SORCS2: variants seen among roughly 807,000 people sequenced by gnomAD.
SORCS2 encodes sortilin related VPS10 domain containing receptor 2, also known as VPS10 domain-containing receptor SorCS2.
SORCS2 carries 100 observed loss-of-function variants against 141.6 expected under a neutral mutation model. The observed-to-expected ratio is 0.71, with a 90% CI of 0.60 to 0.83. The LOEUF (loss-of-function observed/expected upper bound fraction) is 0.83, where lower values mean the gene tolerates loss of function less well. Among genes scored for constraint, SORCS2 ranks in the 40% least tolerant of loss-of-function variants. The pLI is 0.00. For missense variants in SORCS2, 1,646 were observed against 1,560.2 expected (o/e 1.05, Z -0.93); for synonymous variants, 789 against 676.9 (o/e 1.17, Z -2.57).
intron 3 of SORCS2, among the ~76,000 whole-genome samples, chr4:7,544,876 G>C (rs995878006): frequency 6.6e-6 from 1 of 152,170 alleles, no homozygotes; most frequent in African/African-American, 2.4e-5. Context: ...TGCCTGGTGG[G>C]AACAGAAGCC....
intron 2 of SORCS2, among the ~76,000 whole-genome samples, chr4:7,412,315 G>A (rs1725373333): frequency 6.6e-6 from 1 of 152,204 alleles, no homozygotes; most frequent in Non-Finnish European, 1.5e-5. Context: ...GCAAACTGGG[G>A]CAGAAAGGGG....
chr4:7,610,077 C>T (rs1415127541), intron 3 of SORCS2, among the ~76,000 whole-genome samples: 3 of 152,190 alleles, frequency 2.0e-5, no homozygotes, highest in Admixed American at 6.5e-5. Context: ...CACCTTGGGG[C>T]CCCCAGACTA....
chr4:7,676,337 C>G, intron 9 of SORCS2, 108 bp downstream of exon 9: 2 of 1,237,920 alleles, frequency 1.6e-6, no homozygotes, highest in Non-Finnish European at 1.1e-6. Flanking sequence ...ATATAGCTGT[C>G]TCAAGGGTCT....
At chr4:7,200,859 C>T (rs2108859878) in intron 1 of SORCS2, among the ~76,000 whole-genome samples, 1 of 152,330 alleles carries the variant, frequency 6.6e-6, no homozygotes, top group Middle Eastern at 3.4e-3. Context: ...CCAATGTCCT[C>T]CTTCATCTTA....
intron 1 of SORCS2, among the ~76,000 whole-genome samples, chr4:7,320,828 C>G (rs1326089989): frequency 2.6e-5 from 4 of 152,178 alleles, no homozygotes; most frequent in African/African-American, 9.7e-5. Context: ...CATGCATTCA[C>G]TTAAAGAAGG....
At chr4:7,422,891 A>G (rs975843779) in intron 2 of SORCS2, among the ~76,000 whole-genome samples, 4 of 152,138 alleles carry the variant, frequency 2.6e-5, no homozygotes, top group African/African-American at 9.7e-5. Flanking sequence ...AGGTCCATGC[A>G]GCCTCCAGGG....
intron 2 of SORCS2, among the ~76,000 whole-genome samples, chr4:7,509,652 G>A (rs774708978): frequency 1.4e-4 from 22 of 152,228 alleles, no homozygotes; most frequent in Non-Finnish European, 1.3e-4. Context: ...CTTGTGGGGC[G>A]AGGAAGGCCA....
At chr4:7,491,545 G>A (rs780509021) in intron 2 of SORCS2, among the ~76,000 whole-genome samples, 18 of 152,316 alleles carry the variant, frequency 1.2e-4, no homozygotes, top group Middle Eastern at 6.8e-3. Context: ...CCATGCAGAG[G>A]GAACACCTTG....
At position 7,373,458 on chromosome 4, in the gene SORCS2, T is replaced by TATATATATA. The variant is rs60884163; in HGVS notation, c.481-22830_481-22829insATATATATA. ...TGTTGTATTGAATTGTGAGAAACTT[T>TATATATATA]TATATATATATATATATATATTTTT... On this transcript the variant is annotated intron_variant, in intron 1 of 26. Transcript: ENST00000507866. 3.6e-4 allele frequency among the ~76,000 whole-genome samples: 30 copies of TATATATATA among 82,820 alleles called. 6 individuals carry two copies. Among genetic ancestry groups the TATATATATA allele is most frequent in the East Asian group, 3.1e-3 (5 of 1,620 alleles). The allele number at this position is 82,820 out of a possible 152,430, so 54.3% of individuals were successfully genotyped here. A position where few individuals can be genotyped will look rare whatever the true frequency, so the allele number is the denominator to read the frequency against.
At position 7,740,359 on chromosome 4, in the gene SORCS2, GC is replaced by G. The variant is rs1217315979; in HGVS notation, c.*100del. Reference sequence around the variant, plus strand: ...GGCGCCCCTCAGAGACCTGCGGAAAGCCCCCTCCCTGAGTCGTCGCCACACC... The same window carrying G: ...GGCGCCCCTCAGAGACCTGCGGAAAGCCCCTCCCTGAGTCGTCGCCACACC... On this transcript the variant is annotated 3_prime_UTR_variant, in exon 27 of 27. Coordinates refer to ENST00000507866, the MANE Select transcript of SORCS2 (RefSeq NM_020777.3). The G allele has an allele frequency of 1.7e-6, 2 of 1,173,124 alleles. No individual in the cohort carries two copies. The highest frequency in any genetic ancestry group is 2.5e-6 in the Non-Finnish European group (2 of 813,150). The allele number at this position is 1,173,124 out of a possible 1,614,324, so 72.7% of individuals were successfully genotyped here. A position where few individuals can be genotyped will look rare whatever the true frequency, so the allele number is the denominator to read the frequency against.
At chr4:7,698,581 T>C (rs1016436268) in intron 12 of SORCS2, among the ~76,000 whole-genome samples, 2 of 152,246 alleles carry the variant, frequency 1.3e-5, no homozygotes, top group African/African-American at 4.8e-5. Flanking sequence ...AAATAGAAGG[T>C]GTTCTGATTT....
chr4:7,581,860 C>T (rs1486406758), intron 3 of SORCS2, among the ~76,000 whole-genome samples: 3 of 152,176 alleles, frequency 2.0e-5, no homozygotes, highest in African/African-American at 7.2e-5. Context: ...AGGTTACTCA[C>T]CTGTAAATTT....
At chr4:7,440,981 G>A (rs773015203) in intron 2 of SORCS2, among the ~76,000 whole-genome samples, 5 of 152,230 alleles carry the variant, frequency 3.3e-5, no homozygotes, top group African/African-American at 4.8e-5. Flanking sequence ...GCAGAAGGGA[G>A]TTTCGTGGGG....
At chr4:7,378,523 G>T (rs979925789) in intron 1 of SORCS2, among the ~76,000 whole-genome samples, 1 of 152,178 alleles carries the variant, frequency 6.6e-6, no homozygotes, top group Non-Finnish European at 1.5e-5. Flanking sequence ...AAAACCCTCA[G>T]ATCTCATGGG....
intron 1 of SORCS2, among the ~76,000 whole-genome samples, chr4:7,252,600 C>T (rs561399314): frequency 4.6e-5 from 7 of 152,296 alleles, no homozygotes; most frequent in East Asian, 1.9e-4. Context: ...CACCAGACAG[C>T]GACTCTTTAT....
At chr4:7,266,857 C>T (rs538267848) in intron 1 of SORCS2, among the ~76,000 whole-genome samples, 25 of 152,304 alleles carry the variant, frequency 1.6e-4, no homozygotes, top group African/African-American at 3.8e-4. Flanking sequence ...CTGCCGGGCT[C>T]GAGTCCCAGC....
chr4:7,506,009 G>C (rs1181358026), intron 2 of SORCS2, among the ~76,000 whole-genome samples: 1 of 152,116 alleles, frequency 6.6e-6, no homozygotes. Context: ...CAGGGGGAAC[G>C]CATAGCCGTG....
intron 1 of SORCS2, among the ~76,000 whole-genome samples, chr4:7,299,679 G>A (rs1028326245): frequency 6.6e-6 from 1 of 152,152 alleles, no homozygotes; most frequent in African/African-American, 2.4e-5. Context: ...CCTATTATCT[G>A]AAAACAAGGG....
intron 1 of SORCS2, among the ~76,000 whole-genome samples, chr4:7,283,247 G>A (rs1716003984): frequency 6.6e-6 from 1 of 152,238 alleles, no homozygotes. Flanking sequence ...TAAAGCAGCT[G>A]AGAGTTGGAG....
Sources: gnomAD v4.1 joint callset for allele counts (sites outside exome capture counted in the v4.1 genomes callset) on GRCh38, gnomAD v4.1.1 for gene constraint, MANE v1.5 for transcripts, NCBI Gene and HGNC (gene_info 2026-07-23, HGNC 2026-07-21) for gene names.